Variants in PCBD1 observed in about 807,000 individuals in gnomAD.
The protein encoded by PCBD1 is pterin-4 alpha-carbinolamine dehydratase 1.
Under a neutral mutation model 12.6 loss-of-function variants are expected in PCBD1, and 16 were observed. The ratio of observed to expected loss-of-function variants is 1.27; its 90% confidence interval spans 0.86 to 1.93. The LOEUF (loss-of-function observed/expected upper bound fraction) is 1.93, where lower values mean the gene tolerates loss of function less well. PCBD1 is among the 30% of genes most tolerant of loss of function. The pLI, the probability that PCBD1 is intolerant of heterozygous loss-of-function variation, is 0.00. For missense variants in PCBD1, 86 were observed against 130.1 expected (o/e 0.66, Z 1.65); for synonymous variants, 53 against 50.2 (o/e 1.05, Z -0.23).
At chr10:70,885,342 C>A in intron 2 of PCBD1, 110 bp from the exon 3 acceptor site, 1 of 782,274 alleles carries the variant, frequency 1.3e-6, no homozygotes, top group Middle Eastern at 2.4e-4. Flanking sequence ...CCCCAGGAGA[C>A]TCCTCTATAA....
At chr10:70,888,327 C>G in intron 1 of PCBD1, 9 of 465,316 alleles carry the variant, frequency 1.9e-5, no homozygotes, top group Non-Finnish European at 2.8e-5. Flanking sequence ...GGGTGGGATT[C>G]GAACCCGCCA....
intron 3 of PCBD1, 54 bp from the exon 4 acceptor site, chr10:70,884,102 G>T: frequency 6.3e-7 from 1 of 1,578,146 alleles, no homozygotes. Context: ...GAACAGGAGG[G>T]AGTCACTAGC....
chr10:70,885,217 T>C lies in PCBD1; in HGVS notation c.151A>G (p.Thr51Ala). ...KDFNRAFGFM[T>A]RVALQAEKLD... is the part of the protein sequence containing the mutation. Reference sequence around the variant, plus strand: ...TTCTCAGCCTGCAGGGCCACTCTTGTCATGAACCCAAAGGCCTATTTAAGT... The same window carrying C: ...TTCTCAGCCTGCAGGGCCACTCTTGCCATGAACCCAAAGGCCTATTTAAGT... The change falls in exon 3 of 4, where the codon ACA (threonine) becomes GCA (alanine). Residue 51 changes from threonine (T) to alanine (A), a missense_variant. By Grantham distance (58) the Thr-to-Ala change is moderately conservative. Transcript: ENST00000299299. The C allele has an allele frequency of 1.9e-6, 3 of 1,614,062 alleles. No individual in the cohort carries two copies. The highest frequency in any genetic ancestry group is 4.5e-5 in the East Asian group (2 of 44,886).
rs866982545 is a variant in PCBD1 at position 70,884,095 on chromosome 10, C to T, written c.217-47G>A. 6 of 1,591,154 alleles carry T rather than the reference C, an allele frequency of 3.8e-6. No homozygotes were observed. The African/African-American group carries it at 4.0e-5, about 11-fold the overall frequency. ...TGCTTCCACTGACTTCACTTAAGAA[C>T]AGGAGGGAGTCACTAGCTGCTGGGC... On this transcript the variant is annotated intron_variant, in intron 3 of 3. Transcript: ENST00000299299.
At chr10:70,886,089 G>C (rs943660471) in intron 1 of PCBD1, among the ~76,000 whole-genome samples, 160 bp from the exon 2 acceptor site, 1 of 152,168 alleles carries the variant, frequency 6.6e-6, no homozygotes, top group African/African-American at 2.4e-5. Context: ...AGGCCTCAAG[G>C]GTGGCACCCT....
chr10:70,885,954 C>T, intron 1 of PCBD1, 25 bp from the exon 2 acceptor site: 2 of 1,612,236 alleles, frequency 1.2e-6, no homozygotes, highest in Non-Finnish European at 1.7e-6. Flanking sequence ...AAAACAGAGG[C>T]CCAAGGGCAT....
At chr10:70,888,357 A>T in intron 1 of PCBD1, 174 bp downstream of exon 1, 1 of 618,806 alleles carries the variant, frequency 1.6e-6, no homozygotes, top group Non-Finnish European at 2.3e-6. Context: ...TCAGGGCTTC[A>T]GCTTCCCCTC....
At chr10:70,882,942 C>T (rs1440476088), downstream of PCBD1, among the ~76,000 whole-genome samples, 5 of 148,034 alleles carry the variant, frequency 3.4e-5, no homozygotes, top group African/African-American at 1.2e-4. Context: ...CTAAAATGAT[C>T]CAATGAGTAT....
chr10:70,884,355 G>A (rs117131425), intron 3 of PCBD1, among the ~76,000 whole-genome samples: 3,708 of 152,124 alleles, frequency 0.024, 75 homozygotes, highest in Middle Eastern at 0.044. Flanking sequence ...ATTCATAGAC[G>A]ACCTCTTCCA....
chr10:70,885,753 C>T (rs1374544731), intron 2 of PCBD1, 45 bp downstream of exon 2: 1 of 1,611,458 alleles, frequency 6.2e-7, no homozygotes, highest in Non-Finnish European at 8.5e-7. Context: ...TAAGGTGACC[C>T]CATCAGCCCG....
At chr10:70,885,014 T>G in intron 3 of PCBD1, 138 bp downstream of exon 3, 20 of 754,494 alleles carry the variant, frequency 2.7e-5, no homozygotes, top group Non-Finnish European at 3.6e-5. Context: ...GCAATCTCAG[T>G]GAGATTGGAA....
At chr10:70,888,506 C>A in intron 1 of PCBD1, 25 bp downstream of exon 1, 1 of 1,443,710 alleles carries the variant, frequency 6.9e-7, no homozygotes, top group South Asian at 1.4e-5. Context: ...CTGCCCCGAT[C>A]GCGGCCGCGC....
rs2131971191 is a variant in PCBD1 at position 70,888,217 on chromosome 10, A to C, written c.3+314T>G. 4 of 304,162 alleles carry C rather than the reference A, an allele frequency of 1.3e-5. No homozygotes were observed. In the South Asian group the frequency reaches 3.4e-4, roughly 26 times the overall value. The allele number at this position is 304,162 out of a possible 1,614,324, so 18.8% of individuals were successfully genotyped here. ...GGGGACGAGATCCGTGGACTCCTCCACGACTGTCTTCCCCGGCCCAGGAAG... is the reference window on the plus strand; with the variant it reads ...GGGGACGAGATCCGTGGACTCCTCCCCGACTGTCTTCCCCGGCCCAGGAAG... On this transcript the variant is annotated intron_variant, in intron 1 of 3. Coordinates refer to ENST00000299299, the MANE Select transcript of PCBD1 (RefSeq NM_000281.4).
At chr10:70,887,058 A>G (rs777250602) in intron 1 of PCBD1, among the ~76,000 whole-genome samples, 1 of 152,114 alleles carries the variant, frequency 6.6e-6, no homozygotes, top group Non-Finnish European at 1.5e-5. Context: ...ACTGGACACC[A>G]TGTGTTGATT....
Position 70,883,716 on chromosome 10 carries a change from T to A in PCBD1, c.*234A>T. 5 of 1,391,004 alleles carry A rather than the reference T, an allele frequency of 3.6e-6. No individual in the cohort carries two copies. Among genetic ancestry groups the A allele is most frequent in the Non-Finnish European group, 4.7e-6 (5 of 1,071,098 alleles). The allele number at this position is 1,391,004 out of a possible 1,614,324, so 86.2% of individuals were successfully genotyped here. ...GTTGCAAAGAAAGGGGAGAGTTTAT[T>A]CAAATTAGTGTAACAGAGCCCCCAG... On this transcript the variant is annotated 3_prime_UTR_variant, in exon 4 of 4. Transcript: ENST00000299299.
chr10:70,885,659 A>C (rs1481026582), intron 2 of PCBD1, 139 bp downstream of exon 2: 1 of 1,081,176 alleles, frequency 9.2e-7, no homozygotes. Flanking sequence ...TAATTTCCCC[A>C]CTGGCACAGT....
At chr10:70,882,591 C>G (rs1464594239), downstream of PCBD1, 3 of 152,262 alleles carry the variant, frequency 2.0e-5, no homozygotes, top group Non-Finnish European at 4.4e-5. Flanking sequence ...GGAAGAGGGT[C>G]AGCCCTTTTT....
At chr10:70,883,492 A>C (rs1846528926), downstream of PCBD1, 1 of 1,063,258 alleles carries the variant, frequency 9.4e-7, no homozygotes, top group African/African-American at 1.7e-5. Context: ...GTGGAAAAGA[A>C]GTTTCTAGAG....
intron 1 of PCBD1, among the ~76,000 whole-genome samples, chr10:70,886,940 G>A (rs543164684): frequency 6.6e-6 from 1 of 152,332 alleles, no homozygotes; most frequent in African/African-American, 2.4e-5. Context: ...GGCTTCTAGA[G>A]TAGCACCACC....
Sources: allele counts gnomAD v4.1 joint callset (sites outside exome capture counted in the v4.1 genomes callset), GRCh38; gene constraint gnomAD v4.1.1; transcripts MANE v1.5; gene names NCBI Gene and HGNC (gene_info 2026-07-23, HGNC 2026-07-21).